The following MYO3A variants were observed in gnomAD, a reference collection of about 807,000 sequenced individuals.
MYO3A encodes the protein myosin IIIA, also known as myosin-IIIa.
MYO3A carries 180 observed loss-of-function variants against 192.7 expected under a neutral mutation model. The observed-to-expected ratio is 0.93, with a 90% confidence interval of 0.83 to 1.06. The LOEUF is 1.06. MYO3A is among the 50% of genes least tolerant of loss of function. The pLI is 0.00. For missense variants in MYO3A, 1,896 were observed against 1,905.0 expected, an observed-to-expected ratio of 1.00 and a Z score of 0.09; for synonymous variants, 628 against 645.3, an observed-to-expected ratio of 0.97 and a Z score of 0.41.
intron 6 of MYO3A, among the ~76,000 whole-genome samples, chr10:26,014,516 A>G (rs1474879744): frequency 6.6e-6 from 1 of 152,144 alleles, no homozygotes; most frequent in East Asian, 1.9e-4. Context: ...TTTCAAAAAT[A>G]CCTTCACAGA....
intron 23 of MYO3A, among the ~76,000 whole-genome samples, chr10:26,149,127 A>T (rs1234436546): frequency 1.3e-5 from 2 of 150,152 alleles, no homozygotes; most frequent in African/African-American, 2.5e-5. Context: ...TTAACTGTAG[A>T]TTTTTTCATA....
chr10:26,024,148 C>A, intron 9 of MYO3A, 61 bp downstream of exon 9: 1 of 1,442,948 alleles, frequency 6.9e-7, no homozygotes, highest in Non-Finnish European at 9.7e-7. Flanking sequence ...ACTAAATCTC[C>A]TCCTATTTCT....
intron 18 of MYO3A, among the ~76,000 whole-genome samples, 163 bp from the exon 19 acceptor site, chr10:26,125,235 A>G (rs1839143399): frequency 1.3e-5 from 2 of 152,242 alleles, no homozygotes; most frequent in South Asian, 4.1e-4. Flanking sequence ...ATGATCAAGA[A>G]GAGACATAGG....
At chr10:25,989,662 C>A (rs116534529) in intron 4 of MYO3A, among the ~76,000 whole-genome samples, 14,429 of 152,092 alleles carry the variant, frequency 0.095, 1,197 homozygotes, top group African/African-American at 0.22. Flanking sequence ...GTATGCAATT[C>A]ATCTTAACTA....
At chr10:26,153,810 G>A (rs772235409) in intron 23 of MYO3A, 40 bp from the exon 24 acceptor site, 74 of 1,297,896 alleles carry the variant, frequency 5.7e-5, no homozygotes, top group Non-Finnish European at 7.8e-5. Flanking sequence ...AGCCATTAAG[G>A]ATTCTAAAAG....
At chr10:26,166,032 A>T in intron 26 of MYO3A, 35 bp from the exon 27 acceptor site, 1 of 1,552,778 alleles carries the variant, frequency 6.4e-7, no homozygotes. Flanking sequence ...TTGGCACTTT[A>T]TGCAATACTA....
chr10:26,029,193 T>C (rs1352328792), intron 10 of MYO3A, among the ~76,000 whole-genome samples: 6 of 152,196 alleles, frequency 3.9e-5, no homozygotes, highest in African/African-American at 9.6e-5. Context: ...CAGTGATTAT[T>C]GGGCACAGTG....
chr10:26,108,091 C>T (rs993289051), intron 17 of MYO3A, among the ~76,000 whole-genome samples: 1 of 152,008 alleles, frequency 6.6e-6, no homozygotes, highest in Non-Finnish European at 1.5e-5. Flanking sequence ...AACAAAGTAT[C>T]GTGTTTAATA....
chr10:25,944,331 T>C (rs1332444857), intron 2 of MYO3A, among the ~76,000 whole-genome samples: 1 of 152,072 alleles, frequency 6.6e-6, no homozygotes. Context: ...TGCATGAATC[T>C]TCACAGAGAT....
At chr10:26,058,508 A>G (rs893541778) in intron 10 of MYO3A, among the ~76,000 whole-genome samples, 1 of 152,212 alleles carries the variant, frequency 6.6e-6, no homozygotes. Flanking sequence ...CAGTAGCTGA[A>G]TTGTATGGCA....
intron 4 of MYO3A, among the ~76,000 whole-genome samples, chr10:25,965,888 C>T (rs1838224970): frequency 6.6e-6 from 1 of 151,898 alleles, no homozygotes; most frequent in African/African-American, 2.4e-5. Context: ...CCCAGAGAAA[C>T]TCTGGGCACC....
chr10:26,040,012 G>A (rs1222461759), intron 10 of MYO3A, among the ~76,000 whole-genome samples: 1 of 151,650 alleles, frequency 6.6e-6, no homozygotes, highest in African/African-American at 2.4e-5. Context: ...AGCACTGATA[G>A]CTATAAATTT....
intron 17 of MYO3A, among the ~76,000 whole-genome samples, chr10:26,104,640 T>A (rs1000094688): frequency 1.3e-5 from 2 of 151,926 alleles, no homozygotes; most frequent in Admixed American, 1.3e-4. Flanking sequence ...TTTTTTAAAA[T>A]TTTTTTTGGC....
chr10:26,141,065 C>A (rs1280996348), intron 20 of MYO3A, among the ~76,000 whole-genome samples: 2 of 152,026 alleles, frequency 1.3e-5, no homozygotes, highest in South Asian at 2.1e-4. Flanking sequence ...GTAGCTGGGG[C>A]TCCAGGCACC....
At chr10:26,016,925 G>A (rs535237118) in intron 7 of MYO3A, 29 bp downstream of exon 7, 10 of 1,591,932 alleles carry the variant, frequency 6.3e-6, no homozygotes, top group Admixed American at 5.0e-5. Context: ...GCAGACAAAC[G>A]TAATAGCTGA....
intron 2 of MYO3A, among the ~76,000 whole-genome samples, chr10:25,950,961 A>G (rs1181979435): frequency 6.6e-6 from 1 of 152,068 alleles, no homozygotes; most frequent in Non-Finnish European, 1.5e-5. Context: ...CCTTTTTTGT[A>G]GTTTTATAGA....
chr10:26,114,856 TGTA>T (rs1328579861), intron 17 of MYO3A, among the ~76,000 whole-genome samples: 4 of 152,142 alleles, frequency 2.6e-5, no homozygotes, highest in African/African-American at 2.4e-5. Context: ...TTCAATAAAA[TGTA>T]GTAAATTCTA....
At chr10:26,009,174 C>T (rs992965750) in intron 6 of MYO3A, among the ~76,000 whole-genome samples, 5 of 150,212 alleles carry the variant, frequency 3.3e-5, no homozygotes, top group South Asian at 2.1e-4. Flanking sequence ...GGGAATTGAA[C>T]AGTGAGAACA....
At chr10:25,948,469 A>G (rs1837002520) in intron 2 of MYO3A, among the ~76,000 whole-genome samples, 1 of 152,086 alleles carries the variant, frequency 6.6e-6, no homozygotes, top group African/African-American at 2.4e-5. Context: ...ATTATGTTAA[A>G]TATATATGTT....
Sources: allele counts gnomAD v4.1 joint callset (sites outside exome capture counted in the v4.1 genomes callset), GRCh38; gene constraint gnomAD v4.1.1; transcripts MANE v1.5; gene names NCBI Gene and HGNC (gene_info 2026-07-23, HGNC 2026-07-21).